Variants in TBXAS1 observed in about 807,000 individuals in gnomAD.
The protein encoded by TBXAS1 is thromboxane-A synthase.
In TBXAS1, 48 loss-of-function variants were observed where a neutral mutation model predicts 60.7. The ratio of observed to expected loss-of-function variants is 0.79; its 90% CI spans 0.63 to 1.01. The LOEUF is 1.01. Ranked by LOEUF, TBXAS1 falls within the 50% of genes least tolerant of loss-of-function variation. The pLI, the probability that TBXAS1 is intolerant of heterozygous loss-of-function variation, is 0.00. For missense variants in TBXAS1, 685 were observed against 686.3 expected (o/e 1.00, Z 0.02); for synonymous variants, 287 against 269.7 (o/e 1.06, Z -0.63).
intron 4 of TBXAS1, 108 bp from the exon 5 acceptor site, chr7:139,936,083 G>T (rs892288124): frequency 3.1e-4 from 300 of 961,016 alleles, no homozygotes; most frequent in Non-Finnish European, 7.0e-5. Context: ...CTCCTAACTT[G>T]TTGGCCACTG....
At chr7:139,986,757 G>A (rs13233900) in intron 9 of TBXAS1, among the ~76,000 whole-genome samples, 8,710 of 38,192 alleles carry the variant, frequency 0.23, 422 homozygotes, top group Non-Finnish European at 0.27. Flanking sequence ...ATATATATAT[G>A]TGTGTGTGTG....
At chr7:139,803,480 A>C (rs188174155) in intron 4 of TBXAS1, among the ~76,000 whole-genome samples, 65 of 152,186 alleles carry the variant, frequency 4.3e-4, no homozygotes, top group African/African-American at 1.5e-3. Flanking sequence ...GAAAAGAAAA[A>C]CCCATTTTCT....
At chr7:140,012,178 C>G (rs1814668325) in intron 10 of TBXAS1, among the ~76,000 whole-genome samples, 1 of 152,174 alleles carries the variant, frequency 6.6e-6, no homozygotes, top group Admixed American at 6.5e-5. Context: ...CGTCTCCTCC[C>G]AACCCCCGTG....
At chr7:139,897,258 A>C (rs1804180827) in intron 3 of TBXAS1, among the ~76,000 whole-genome samples, 1 of 150,300 alleles carries the variant, frequency 6.7e-6, no homozygotes, top group African/African-American at 2.4e-5. Context: ...CAGGGGGAAC[A>C]GCATGTGCAA....
intron 1 of TBXAS1, among the ~76,000 whole-genome samples, chr7:139,853,359 C>G (rs1800360824): frequency 6.6e-6 from 1 of 152,184 alleles, no homozygotes; most frequent in South Asian, 2.1e-4. Flanking sequence ...AACAGTAGGG[C>G]CTGGTAATGG....
chr7:139,911,395 A>C, intron 4 of TBXAS1, 74 bp downstream of exon 4: 1 of 1,303,218 alleles, frequency 7.7e-7, no homozygotes, highest in East Asian at 2.3e-5. Flanking sequence ...GTCAGATCCA[A>C]TGGGGATGCA....
intron 8 of TBXAS1, 34 bp from the exon 9 acceptor site, chr7:139,961,885 T>C: frequency 1.2e-6 from 2 of 1,613,582 alleles, no homozygotes; most frequent in Non-Finnish European, 1.7e-6. Context: ...GACTGTAAGG[T>C]CAAAATGTGC....
In TBXAS1 at chr7:140,015,769, A is replaced by G. The variant is rs971460206; in HGVS notation, c.1273A>G (p.Ile425Val). 1.4e-5 allele frequency: 23 copies of G among 1,613,538 alleles called. No homozygotes were observed. The highest frequency in any genetic ancestry group is 1.9e-5 in the Non-Finnish European group (23 of 1,180,048). ...AQDCEVLGQR[I>V]PAGAVLEMAV... The stretch of plus-strand genomic sequence containing the variant: ...GGACTGCGAGGTGCTGGGGCAGCGC[A>G]TCCCCGCAGGCGCTGTGCTAGAGAT... Residue 425 changes from isoleucine (I) to valine (V), a missense_variant, in exon 11 of 13, where the codon ATC becomes GTC. Transcript: ENST00000448866.
At chr7:139,807,550 A>C (rs1797910421) in intron 4 of TBXAS1, among the ~76,000 whole-genome samples, 1 of 151,954 alleles carries the variant, frequency 6.6e-6, no homozygotes, top group Admixed American at 6.6e-5. Flanking sequence ...TGCCCTGCTA[A>C]TTTTTTGTAT....
chr7:139,862,079 A>G (rs1212419745), intron 1 of TBXAS1, among the ~76,000 whole-genome samples: 1 of 152,224 alleles, frequency 6.6e-6, no homozygotes, highest in African/African-American at 2.4e-5. Context: ...TTGGGAGACA[A>G]CAGATTTAGT....
intron 3 of TBXAS1, among the ~76,000 whole-genome samples, chr7:139,886,885 T>C (rs1803156161): frequency 6.6e-6 from 1 of 152,198 alleles, no homozygotes; most frequent in Non-Finnish European, 1.5e-5. Context: ...CTTAGCCTTC[T>C]CTGCTAGAGT....
intron 4 of TBXAS1, among the ~76,000 whole-genome samples, chr7:139,809,479 C>T (rs904410468): frequency 6.6e-6 from 1 of 152,068 alleles, no homozygotes; most frequent in African/African-American, 2.4e-5. Context: ...GGCTCACAAA[C>T]TATGGAGGCT....
intron 9 of TBXAS1, among the ~76,000 whole-genome samples, chr7:139,976,063 C>G (rs1331260282): frequency 6.6e-6 from 1 of 152,236 alleles, no homozygotes; most frequent in Non-Finnish European, 1.5e-5. Flanking sequence ...GGATTTTCCA[C>G]GAATTGCATT....
At chr7:139,882,298 G>C (rs1211216073) in intron 3 of TBXAS1, among the ~76,000 whole-genome samples, 2 of 152,212 alleles carry the variant, frequency 1.3e-5, no homozygotes, top group Admixed American at 1.3e-4. Context: ...CACTGGGCTT[G>C]AACATGTGGC....
intron 4 of TBXAS1, among the ~76,000 whole-genome samples, chr7:139,788,491 A>C (rs560525989): frequency 6.6e-6 from 1 of 152,336 alleles, no homozygotes; most frequent in African/African-American, 2.4e-5. Flanking sequence ...TACTTGTTAC[A>C]TGAGTAAGTC....
At chr7:139,985,279 G>C (rs1199725872) in intron 9 of TBXAS1, among the ~76,000 whole-genome samples, 1 of 152,234 alleles carries the variant, frequency 6.6e-6, no homozygotes, top group Non-Finnish European at 1.5e-5. Flanking sequence ...TGATGTGGCA[G>C]GGTTTCAGGT....
In TBXAS1 at chr7:139,992,110, C is replaced by T. The variant is rs576300580; in HGVS notation, c.1135-14981C>T. ...ATATGGCACAAGGGGGTATGATCTG[C>T]CAGTTCTCCCTTGAGAGGCTTGGTG... On this transcript the variant is annotated intron_variant, in intron 9 of 12. Transcript: ENST00000448866. 3.3e-5 allele frequency among the ~76,000 whole-genome samples: 5 copies of T among 152,358 alleles called. No individual in the cohort carries two copies. The South Asian group carries it at 8.3e-4, about 25-fold the overall frequency.
chr7:139,972,279 T>C (rs1249095968), intron 9 of TBXAS1, among the ~76,000 whole-genome samples: 1 of 152,158 alleles, frequency 6.6e-6, no homozygotes, highest in Admixed American at 6.5e-5. Flanking sequence ...TCATATTCAA[T>C]AGCTGGGCCT....
chr7:139,978,525 GA>G (rs1811722200), intron 9 of TBXAS1, among the ~76,000 whole-genome samples: 1 of 151,318 alleles, frequency 6.6e-6, no homozygotes, highest in Admixed American at 6.6e-5. Context: ...AAAAAAGAAA[GA>G]AAAAAGAAAT....
Sources: allele counts gnomAD v4.1 joint callset (sites outside exome capture counted in the v4.1 genomes callset), GRCh38; gene constraint gnomAD v4.1.1; transcripts MANE v1.5; gene names NCBI Gene and HGNC (gene_info 2026-07-23, HGNC 2026-07-21).